Variants in RGS7 observed in about 807,000 individuals in gnomAD.
RGS7 encodes regulator of G-protein signaling 7.
RGS7 carries 27 observed loss-of-function variants against 81.1 expected under a neutral mutation model. The ratio of observed to expected loss-of-function variants is 0.33; its 90% CI spans 0.25 to 0.46. The LOEUF (loss-of-function observed/expected upper bound fraction) is 0.46. Ranked by LOEUF, RGS7 falls within the 20% of genes least tolerant of loss-of-function variation. The pLI, the probability that RGS7 is intolerant of heterozygous loss-of-function variation, is 1.00. For missense variants in RGS7, 396 were observed against 607.4 expected, an observed-to-expected ratio of 0.65 and a Z score of 3.66; for synonymous variants, 208 against 207.7, an observed-to-expected ratio of 1.00 and a Z score of -0.01.
At chr1:241,355,591 G>A in intron 2 of RGS7, 108 bp downstream of exon 2, 1 of 938,618 alleles carries the variant, frequency 1.1e-6, no homozygotes, top group South Asian at 1.3e-5. Flanking sequence ...CTGATGATCT[G>A]GGAAATCCAC....
chr1:241,193,189 T>C (rs572519138), intron 2 of RGS7, among the ~76,000 whole-genome samples: 2 of 152,362 alleles, frequency 1.3e-5, no homozygotes, highest in African/African-American at 4.8e-5. Context: ...CAGACTTAAG[T>C]AAACTCCTAA....
intron 2 of RGS7, among the ~76,000 whole-genome samples, chr1:241,345,964 G>A (rs997725716): frequency 3.3e-5 from 5 of 152,002 alleles, no homozygotes; most frequent in South Asian, 2.1e-4. Context: ...GCAGTGAGCC[G>A]AGATCACGCC....
At chr1:241,205,232 C>G (rs56784593) in intron 2 of RGS7, among the ~76,000 whole-genome samples, 15,254 of 150,128 alleles carry the variant, frequency 0.1, 1,277 homozygotes, top group East Asian at 0.39. Context: ...CTATGCACAC[C>G]ACGCCCAGCT....
intron 1 of RGS7, 89 bp from the exon 2 acceptor site, chr1:241,355,915 C>A: frequency 4.0e-6 from 3 of 748,242 alleles, no homozygotes; most frequent in South Asian, 2.9e-5. Context: ...CCACATGGCG[C>A]GTTCTTACAA....
chr1:241,193,417 A>G (rs2072832855), intron 2 of RGS7, among the ~76,000 whole-genome samples: 2 of 152,208 alleles, frequency 1.3e-5, no homozygotes, highest in Admixed American at 1.3e-4. Flanking sequence ...GTCTCTTAGA[A>G]TGATAACTTC....
intron 6 of RGS7, among the ~76,000 whole-genome samples, chr1:240,912,619 A>T (rs1023910662): frequency 6.6e-6 from 1 of 152,206 alleles, no homozygotes; most frequent in African/African-American, 2.4e-5. Context: ...CTTCTTGAGA[A>T]GCACATTGCT....
intron 9 of RGS7, among the ~76,000 whole-genome samples, chr1:240,863,596 T>A: frequency 6.6e-6 from 1 of 152,238 alleles, no homozygotes; most frequent in Non-Finnish European, 1.5e-5. Flanking sequence ...GCAGCCCTGT[T>A]GGCAATAGCC....
At chr1:241,102,249 C>T (rs1319448306) in intron 2 of RGS7, among the ~76,000 whole-genome samples, 2 of 56,776 alleles carry the variant, frequency 3.5e-5, no homozygotes, top group South Asian at 3.0e-4. Flanking sequence ...TAAAAAAAAC[C>T]CCTGCTTTCT....
chr1:240,975,428 A>AAAC (rs1558546104), intron 4 of RGS7, among the ~76,000 whole-genome samples: 11 of 137,986 alleles, frequency 8.0e-5, no homozygotes, highest in African/African-American at 2.3e-4. Flanking sequence ...AACAAACAAA[A>AAAC]AAACACAGAA....
intron 4 of RGS7, among the ~76,000 whole-genome samples, chr1:240,946,921 C>T (rs530744402): frequency 6.6e-6 from 1 of 152,132 alleles, no homozygotes; most frequent in Non-Finnish European, 1.5e-5. Context: ...GTGATGGATA[C>T]GGTAATTGCC....
chr1:240,810,453 T>TC, intron 14 of RGS7, among the ~76,000 whole-genome samples: 1 of 149,510 alleles, frequency 6.7e-6, no homozygotes, highest in East Asian at 2.0e-4. Flanking sequence ...TTCTTTTTTT[T>TC]TTTTTTTTTT....
In RGS7 at chr1:241,271,319, T is replaced by C. The variant is rs2077884718; in HGVS notation, c.78+84380A>G. On this transcript the variant is annotated intron_variant, in intron 2 of 18. Transcript: ENST00000440928. This position sits in a 1 kb window ranked among gnomAD's most constrained non-coding sequence, Gnocchi z 4.6. ...GAGACTGGTGTCACATGAGGACCAG[T>C]AAAAAATCTGTACTGAACTGAAATT... 6.6e-6 allele frequency among the ~76,000 whole-genome samples: 1 copy of C among 152,210 alleles called. No individual in the cohort carries two copies. Among genetic ancestry groups the C allele is most frequent in the Admixed American group, 6.5e-5 (1 of 15,290 alleles).
chr1:241,057,766 G>A (rs1207671037), intron 3 of RGS7, among the ~76,000 whole-genome samples: 1 of 152,128 alleles, frequency 6.6e-6, no homozygotes, highest in Non-Finnish European at 1.5e-5. Flanking sequence ...AAAGAAATTA[G>A]CTAGGCACAG....
At chr1:240,953,176 A>T (rs1365658419) in intron 4 of RGS7, among the ~76,000 whole-genome samples, 1 of 151,912 alleles carries the variant, frequency 6.6e-6, no homozygotes, top group Admixed American at 6.6e-5. Flanking sequence ...AGCAGCAGAA[A>T]ATCAAGCAGT....
At chr1:241,119,250 G>A (rs1404013853) in intron 2 of RGS7, among the ~76,000 whole-genome samples, 1 of 152,096 alleles carries the variant, frequency 6.6e-6, no homozygotes, top group African/African-American at 2.4e-5. Context: ...AGTTTTGCAA[G>A]TCTCTTCCAT....
intron 18 of RGS7, among the ~76,000 whole-genome samples, chr1:240,794,080 C>T (rs936751662): frequency 5.3e-5 from 8 of 152,204 alleles, no homozygotes; most frequent in Admixed American, 4.6e-4. Flanking sequence ...GGTTCCAAGT[C>T]TGCTTGTGTC....
chr1:240,931,551 T>A (rs1253976673), intron 5 of RGS7, among the ~76,000 whole-genome samples: 1 of 152,214 alleles, frequency 6.6e-6, no homozygotes, highest in East Asian at 1.9e-4. Context: ...TCCATACGTA[T>A]AAACACCTAT....
At chr1:241,226,405 T>A (rs2075311298) in intron 2 of RGS7, among the ~76,000 whole-genome samples, 1 of 152,166 alleles carries the variant, frequency 6.6e-6, no homozygotes, top group Non-Finnish European at 1.5e-5. Context: ...AAGGGTCTGG[T>A]AGTTAGGATG....
chr1:241,105,823 G>C (rs2065059714), intron 2 of RGS7, among the ~76,000 whole-genome samples: 1 of 152,182 alleles, frequency 6.6e-6, no homozygotes, highest in Non-Finnish European at 1.5e-5. Context: ...TTCAGAAGAA[G>C]TTTTCCAACT....
Sources: gnomAD v4.1 joint callset for allele counts (sites outside exome capture counted in the v4.1 genomes callset) on GRCh38, gnomAD v4.1.1 for gene constraint, Gnocchi (gnomAD v3.1) non-coding constraint, MANE v1.5 for transcripts, NCBI Gene and HGNC (gene_info 2026-07-23, HGNC 2026-07-21) for gene names.